Variants in EYS observed in about 807,000 individuals in gnomAD.
The protein encoded by EYS is EGF-like photoreceptor maintenance factor, also known as protein eyes shut homolog.
In EYS, 250 loss-of-function variants were observed where a neutral mutation model predicts 282.1. That is an observed-to-expected ratio of 0.89 (90% CI 0.80 to 0.98). The LOEUF (loss-of-function observed/expected upper bound fraction) is 0.98, where lower values mean the gene tolerates loss of function less well. EYS is among the 50% of genes least tolerant of loss of function. The pLI is 0.00. For missense variants in EYS, 4,016 were observed against 3,709.0 expected (o/e 1.08, Z -2.15); for synonymous variants, 1,355 against 1,282.9 (o/e 1.06, Z -1.20).
intron 35 of EYS, among the ~76,000 whole-genome samples, chr6:63,872,962 A>G (rs191693066): frequency 1.8e-3 from 267 of 152,168 alleles, no homozygotes; most frequent in Non-Finnish European, 2.6e-3. Context: ...ATGGAGAGAA[A>G]TAATTTGAGA....
At chr6:63,891,411 G>A (rs1773404117) in intron 35 of EYS, among the ~76,000 whole-genome samples, 2 of 152,094 alleles carry the variant, frequency 1.3e-5, no homozygotes, top group Admixed American at 1.3e-4. Context: ...CTTCATCCCT[G>A]GGAGGCAAGG....
At chr6:63,729,763 T>G (rs1261957931) in intron 41 of EYS, among the ~76,000 whole-genome samples, 1 of 152,172 alleles carries the variant, frequency 6.6e-6, no homozygotes, top group African/African-American at 2.4e-5. Context: ...CCTATCTCTC[T>G]AGCTTCATGT....
rs1440676577 is a variant in EYS, at chr6:65,369,319, TA to T, written c.1299+15066del. On this transcript the variant is annotated intron_variant, in intron 8 of 42. Coordinates refer to ENST00000503581, the MANE Select transcript of EYS (RefSeq NM_001142800.2). ...ATATTTATGTATAATATATATATTA[TA>T]TATATATATTTATATATATATATAT... 8.3e-5 allele frequency among the ~76,000 whole-genome samples: 4 copies of T among 47,950 alleles called. No homozygotes were observed. In the East Asian group the frequency reaches 2.4e-3, roughly 29 times the overall value. The allele number at this position is 47,950 out of a possible 152,430, so 31.5% of individuals were successfully genotyped here.
At chr6:64,853,323 A>T (rs906539340) in intron 19 of EYS, among the ~76,000 whole-genome samples, 9 of 152,160 alleles carry the variant, frequency 5.9e-5, no homozygotes, top group Middle Eastern at 3.2e-3. Context: ...ATAAATATCA[A>T]ATATTTGTAG....
At chr6:64,345,476 G>T (rs1292486185) in intron 29 of EYS, among the ~76,000 whole-genome samples, 2 of 152,086 alleles carry the variant, frequency 1.3e-5, no homozygotes, top group African/African-American at 2.4e-5. Flanking sequence ...AATAAATGGT[G>T]CTGGGAAAAC....
chr6:65,182,417 T>C lies in EYS; in HGVS notation c.2023+113446A>G, dbSNP rs190542864. Among the ~76,000 whole-genome samples the C allele has an allele frequency of 6.6e-5, 10 of 151,760 alleles. No individual in the cohort carries two copies. The East Asian group carries it at 2.0e-3, about 30-fold the overall frequency. On this transcript the variant is annotated intron_variant, in intron 12 of 42. Transcript: ENST00000503581. Reference sequence around the variant, plus strand: ...TTTTTAATTCTGTGCCCATTTTTAGTAAATATAGTATATTTTTCTTAATGG... The same window carrying C: ...TTTTTAATTCTGTGCCCATTTTTAGCAAATATAGTATATTTTTCTTAATGG...
intron 41 of EYS, among the ~76,000 whole-genome samples, chr6:63,731,864 T>C (rs1026735828): frequency 3.3e-5 from 5 of 152,136 alleles, no homozygotes; most frequent in African/African-American, 1.2e-4. Context: ...TAGGAAATAT[T>C]GAACAGAATG....
chr6:64,209,127 C>T (rs1765691071), intron 31 of EYS, among the ~76,000 whole-genome samples: 1 of 152,074 alleles, frequency 6.6e-6, no homozygotes, highest in African/African-American at 2.4e-5. Flanking sequence ...TTGTGCTTAA[C>T]AACTGCCATA....
intron 1 of EYS, among the ~76,000 whole-genome samples, chr6:65,705,784 T>C (rs1449225535): frequency 1.3e-5 from 2 of 152,102 alleles, no homozygotes; most frequent in Admixed American, 1.3e-4. Context: ...GTTGCAAACA[T>C]TTTTGTTTAA....
rs1434564851 is a variant in EYS, at chr6:64,350,862, G to A, written c.6078+37828C>T. 5.3e-5 allele frequency among the ~76,000 whole-genome samples: 8 copies of A among 151,580 alleles called. 1 individual carries two copies. Among genetic ancestry groups the A allele is most frequent in the Admixed American group, 4.6e-4 (7 of 15,198 alleles). On this transcript the variant is annotated intron_variant, in intron 29 of 42. Transcript: ENST00000503581. ...ACCTCGTGGGAGGTGATTAGTTCAT[G>A]GGGCCCTGTCCCCCATGCTGTTCTT...
chr6:64,735,635 C>T (rs1370355983), intron 22 of EYS, among the ~76,000 whole-genome samples: 3 of 152,060 alleles, frequency 2.0e-5, no homozygotes, highest in Non-Finnish European at 4.4e-5. Flanking sequence ...AATGATTGTA[C>T]ACATTTGAAT....
intron 41 of EYS, among the ~76,000 whole-genome samples, chr6:63,733,263 G>A (rs1229301038): frequency 5.3e-5 from 8 of 152,112 alleles, no homozygotes; most frequent in Non-Finnish European, 8.8e-5. Context: ...TTACTAGCCT[G>A]CAACTTCTCT....
intron 13 of EYS, among the ~76,000 whole-genome samples, chr6:65,026,427 T>A (rs538598593): frequency 6.6e-6 from 1 of 151,896 alleles, no homozygotes; most frequent in African/African-American, 2.4e-5. Flanking sequence ...AAGGGACTCA[T>A]GAAAAAAAGA....
chr6:64,551,205 T>TATATACATATATACACAC (rs1562056693), intron 26 of EYS, among the ~76,000 whole-genome samples: 73 of 145,594 alleles, frequency 5.0e-4, no homozygotes, highest in African/African-American at 1.8e-3. Context: ...TATACACACA[T>TATATACATATATACACAC]ATATATATAT....
intron 12 of EYS, among the ~76,000 whole-genome samples, chr6:65,285,671 T>C (rs1345292310): frequency 6.6e-6 from 1 of 151,964 alleles, no homozygotes; most frequent in Non-Finnish European, 1.5e-5. Flanking sequence ...ACTACAAAAA[T>C]ATAAATTGTA....
intron 32 of EYS, among the ~76,000 whole-genome samples, chr6:64,069,800 G>T (rs1227791429): frequency 6.6e-6 from 1 of 151,848 alleles, no homozygotes; most frequent in Admixed American, 6.6e-5. Context: ...TACATGTTTC[G>T]CATCTTTTGA....
chr6:64,725,325 G>A (rs1043473941), intron 22 of EYS, among the ~76,000 whole-genome samples: 2 of 152,034 alleles, frequency 1.3e-5, no homozygotes, highest in Non-Finnish European at 2.9e-5. Context: ...CACTCATTGA[G>A]GAGAGGGTTT....
chr6:64,349,467 T>C (rs1439180164), intron 29 of EYS, among the ~76,000 whole-genome samples: 3 of 151,172 alleles, frequency 2.0e-5, no homozygotes, highest in Admixed American at 1.3e-4. Context: ...AAAATAATAC[T>C]TGTTTTCAGC....
intron 30 of EYS, among the ~76,000 whole-genome samples, chr6:64,301,868 T>C (rs768675127): frequency 2.2e-4 from 33 of 152,300 alleles, no homozygotes; most frequent in Admixed American, 5.9e-4. Flanking sequence ...ATTTCCTCCA[T>C]TGTTCTGGGT....
Sources: gnomAD v4.1 joint callset for allele counts (sites outside exome capture counted in the v4.1 genomes callset) on GRCh38, gnomAD v4.1.1 for gene constraint, MANE v1.5 for transcripts, NCBI Gene and HGNC (gene_info 2026-07-23, HGNC 2026-07-21) for gene names.